The following SORBS2 variants were observed in gnomAD, a reference collection of about 807,000 sequenced individuals.
SORBS2 encodes the protein sorbin and SH3 domain containing 2, also known as sorbin and SH3 domain-containing protein 2.
In SORBS2, 46 loss-of-function variants were observed where a neutral mutation model predicts 97.7. That is an observed-to-expected ratio of 0.47 (90% CI 0.37 to 0.60). The LOEUF (loss-of-function observed/expected upper bound fraction) is 0.60, where lower values mean the gene tolerates loss of function less well. Ranked by LOEUF, SORBS2 falls within the 20% of genes least tolerant of loss-of-function variation. The probability of loss-of-function intolerance (pLI) is 0.00; values close to 1 mark genes in which losing one functional copy is unlikely to be tolerated. For missense variants in SORBS2, 1,316 were observed against 1,282.3 expected, an observed-to-expected ratio of 1.03 and a Z score of -0.40; for synonymous variants, 476 against 473.4, an observed-to-expected ratio of 1.01 and a Z score of -0.07.
At chr4:185,603,237 G>A (rs79261181) in intron 12 of SORBS2, among the ~76,000 whole-genome samples, 1,738 of 151,192 alleles carry the variant, frequency 0.011, 34 homozygotes, top group African/African-American at 0.039. Context: ...CTTAAAAACC[G>A]AAGAACAAGT....
At chr4:185,657,284 T>C, upstream of SORBS2, 1 of 680,490 alleles carries the variant, frequency 1.5e-6, no homozygotes, top group South Asian at 3.3e-5. Flanking sequence ...ACACACAGCA[T>C]AACATTCATG....
chr4:185,764,860 G>A (rs1056542032), intron 2 of SORBS2, among the ~76,000 whole-genome samples: 1 of 152,030 alleles, frequency 6.6e-6, no homozygotes, highest in African/African-American at 2.4e-5. Context: ...GTCTCTAATT[G>A]GAAGTGCCTT....
chr4:185,591,855 T>C (rs2095947750), intron 13 of SORBS2: 1 of 152,198 alleles, frequency 6.6e-6, no homozygotes, highest in Non-Finnish European at 1.5e-5. Flanking sequence ...TTTTGTCTGA[T>C]GAAAGCCAGC....
chr4:185,905,372 G>A (rs1006819293), intron 1 of SORBS2, among the ~76,000 whole-genome samples: 2 of 152,110 alleles, frequency 1.3e-5, no homozygotes, highest in Non-Finnish European at 2.9e-5. Context: ...TACTATTTAT[G>A]GTAGTGTTTT....
At chr4:185,819,812 C>A (rs2099195604) in intron 1 of SORBS2, among the ~76,000 whole-genome samples, 1 of 152,154 alleles carries the variant, frequency 6.6e-6, no homozygotes, top group Non-Finnish European at 1.5e-5. Flanking sequence ...TGCCATCTCT[C>A]CTTATACTGG....
chr4:185,662,116 C>G (rs141720156), exon 5 of SORBS2: 2 of 1,614,106 alleles, frequency 1.2e-6, no homozygotes, highest in East Asian at 4.5e-5. Context: ...AGGGATGTGC[C>G]GTGCTGCATG....
intron 2 of SORBS2, among the ~76,000 whole-genome samples, chr4:185,748,278 G>A (rs1392721430): frequency 2.0e-5 from 3 of 152,194 alleles, no homozygotes; most frequent in Non-Finnish European, 4.4e-5. Context: ...CGTGCGAGGA[G>A]TGCAGTTGCT....
chr4:185,844,216 G>A (rs1195103801), intron 1 of SORBS2, among the ~76,000 whole-genome samples: 1 of 152,176 alleles, frequency 6.6e-6, no homozygotes, highest in African/African-American at 2.4e-5. Flanking sequence ...CTTGGAATGG[G>A]TCATAGAGCT....
intron 1 of SORBS2, among the ~76,000 whole-genome samples, chr4:185,891,156 CT>C (rs533823511): frequency 6.6e-6 from 1 of 151,972 alleles, no homozygotes; most frequent in Non-Finnish European, 1.5e-5. Flanking sequence ...TATTCTAATA[CT>C]TTTTTATTTT....
chr4:185,913,965 C>T (rs1423429002), intron 1 of SORBS2, among the ~76,000 whole-genome samples: 1 of 152,174 alleles, frequency 6.6e-6, no homozygotes, highest in Non-Finnish European at 1.5e-5. Flanking sequence ...TAAGACCATA[C>T]ACCTTTCTGA....
At chr4:185,691,121 T>C (rs932664505) in intron 2 of SORBS2, among the ~76,000 whole-genome samples, 3 of 152,118 alleles carry the variant, frequency 2.0e-5, no homozygotes, top group African/African-American at 7.2e-5. Context: ...AGGCTACTCT[T>C]GAACTCCTGA....
chr4:185,708,246 T>C (rs1006616344), intron 2 of SORBS2, among the ~76,000 whole-genome samples: 1 of 152,228 alleles, frequency 6.6e-6, no homozygotes, highest in African/African-American at 2.4e-5. Context: ...GTGGCAAACA[T>C]ATTAAGCATG....
chr4:185,921,513 G>C (rs905298697), intron 1 of SORBS2, among the ~76,000 whole-genome samples: 2 of 151,984 alleles, frequency 1.3e-5, no homozygotes, highest in Non-Finnish European at 2.9e-5. Context: ...ACAAAATATG[G>C]AGAGAGAGGA....
chr4:185,838,385 C>A (rs1032037036), intron 1 of SORBS2, among the ~76,000 whole-genome samples: 3 of 152,244 alleles, frequency 2.0e-5, no homozygotes, highest in African/African-American at 7.2e-5. Flanking sequence ...GGCGTCAGAA[C>A]CCTGGAAATT....
At chr4:185,690,515 T>A in intron 2 of SORBS2, 47 bp downstream of exon 4, 1 of 1,364,936 alleles carries the variant, frequency 7.3e-7, no homozygotes, top group Non-Finnish European at 1.0e-6. Context: ...CCAACATGAT[T>A]TTTAGAGAGC....
chr4:185,729,373 CTAT>C, intron 2 of SORBS2, among the ~76,000 whole-genome samples: 1 of 152,224 alleles, frequency 6.6e-6, no homozygotes, highest in East Asian at 1.9e-4. Flanking sequence ...CTGTAAGGAA[CTAT>C]AGACAGGGTT....
intron 2 of SORBS2, among the ~76,000 whole-genome samples, chr4:185,731,908 ATG>A (rs35925639): frequency 0.041 from 2,894 of 71,392 alleles, 106 homozygotes; most frequent in Non-Finnish European, 0.05. Flanking sequence ...ATATATATAT[ATG>A]TCTGTTTCTC....
At chr4:185,703,081 C>T (rs2098288668) in intron 2 of SORBS2, among the ~76,000 whole-genome samples, 1 of 152,178 alleles carries the variant, frequency 6.6e-6, no homozygotes, top group African/African-American at 2.4e-5. Context: ...AGCTGTCTCC[C>T]TCTTTGTTGT....
chr4:185,920,580 A>C (rs2149919146), intron 1 of SORBS2, among the ~76,000 whole-genome samples: 1 of 152,326 alleles, frequency 6.6e-6, no homozygotes, highest in South Asian at 2.1e-4. Context: ...TGTATGCCTC[A>C]GAGATTCCAG....
Sources: gnomAD v4.1 joint callset for allele counts (sites outside exome capture counted in the v4.1 genomes callset) on GRCh38, gnomAD v4.1.1 for gene constraint, MANE v1.5 for transcripts, NCBI Gene and HGNC (gene_info 2026-07-23, HGNC 2026-07-21) for gene names.